RNF2: variants seen among roughly 807,000 people sequenced by gnomAD.
RNF2 encodes the protein ring finger protein 2.
RNF2 carries 6 observed loss-of-function variants against 37.2 expected under a neutral mutation model. The observed-to-expected ratio is 0.16, with a 90% confidence interval of 0.09 to 0.32. RNF2 has a LOEUF of 0.32. Ranked by LOEUF, RNF2 falls within the 10% of genes least tolerant of loss-of-function variation. The pLI is 1.00. For missense variants in RNF2, 251 were observed against 404.0 expected (o/e 0.62, Z 3.25); for synonymous variants, 133 against 132.7 (o/e 1.00, Z -0.02).
intron 1 of RNF2, among the ~76,000 whole-genome samples, chr1:185,066,235 A>G (rs1315487275): frequency 2.0e-5 from 3 of 152,110 alleles, no homozygotes. Context: ...TGTATTGCAT[A>G]CTAGGCCTCA....
At chr1:185,068,610 A>T (rs1396006735) in intron 1 of RNF2, among the ~76,000 whole-genome samples, 5 of 152,228 alleles carry the variant, frequency 3.3e-5, no homozygotes, top group Non-Finnish European at 7.3e-5. Context: ...GGGCCTCTGG[A>T]AGCCAAGTGC....
At chr1:185,054,521 C>T (rs1315685931) in intron 1 of RNF2, among the ~76,000 whole-genome samples, 1 of 152,024 alleles carries the variant, frequency 6.6e-6, no homozygotes, top group African/African-American at 2.4e-5. Context: ...GACGCCGGCT[C>T]TTCTCCATTA....
At chr1:185,089,983 G>C (rs187207194) in intron 2 of RNF2, among the ~76,000 whole-genome samples, 1 of 152,070 alleles carries the variant, frequency 6.6e-6, no homozygotes, top group Non-Finnish European at 1.5e-5. Flanking sequence ...ATGCAGTGGC[G>C]TGATCGCGGC....
At chr1:185,062,637 A>G (rs1246191053) in intron 1 of RNF2, among the ~76,000 whole-genome samples, 2 of 152,066 alleles carry the variant, frequency 1.3e-5, no homozygotes, top group African/African-American at 4.8e-5. Context: ...TTAAAAATAT[A>G]TAAAAGATAA....
At chr1:185,083,956 AT>A (rs1301679488) in intron 1 of RNF2, among the ~76,000 whole-genome samples, 1 of 133,526 alleles carries the variant, frequency 7.5e-6, no homozygotes, top group Non-Finnish European at 1.6e-5. Context: ...AAAAAAAAAA[AT>A]TAGGGGTGGG....
chr1:185,053,544 C>T (rs973075911), intron 1 of RNF2, among the ~76,000 whole-genome samples: 4 of 151,720 alleles, frequency 2.6e-5, no homozygotes, highest in African/African-American at 4.8e-5. Flanking sequence ...TTGTAGAGAT[C>T]GGGGTCTCAT....
intron 1 of RNF2, among the ~76,000 whole-genome samples, chr1:185,053,764 CAAT>C (rs1355660201): frequency 2.6e-5 from 4 of 152,130 alleles, no homozygotes; most frequent in African/African-American, 7.2e-5. Context: ...AATAGGCTCT[CAAT>C]AAATATCTAA....
chr1:185,098,099 T>G lies in RNF2; in HGVS notation c.492T>G (p.Ile164Met). The change falls in exon 5 of 7, where the codon ATT becomes ATG. Residue 164 changes from isoleucine to methionine, a missense_variant. By Grantham distance (10) the Ile-to-Met change is conservative. Around this residue, in one of 7 missense-constraint regions of RNF2, gnomAD observed 94 missense variants for 99.2 expected, o/e 0.95. Transcript: ENST00000367510. Reference protein sequence around the residue: ...NRLQRGKKQQIENGSGAEDNG... With the variant: ...NRLQRGKKQQMENGSGAEDNG... ...TGCAGCGAGGCAAGAAACAACAGAT[T>G]GAAAATGGTAGTGGAGCAGAAGATA... 6.2e-7 allele frequency: 1 copy of G among 1,614,136 alleles called. No homozygotes were observed. The highest frequency in any genetic ancestry group is 8.5e-7 in the Non-Finnish European group (1 of 1,180,020).
At chr1:185,099,549 G>A (rs1300768248) in intron 5 of RNF2, among the ~76,000 whole-genome samples, 1 of 152,016 alleles carries the variant, frequency 6.6e-6, no homozygotes, top group Admixed American at 6.6e-5. Context: ...TTTATAGAAG[G>A]TAAGGTAGGT....
intron 4 of RNF2, 59 bp downstream of exon 4, chr1:185,093,335 T>C (rs1651822411): frequency 6.7e-7 from 1 of 1,494,750 alleles, no homozygotes; most frequent in East Asian, 2.4e-5. Flanking sequence ...TATTAACAAT[T>C]AAATTTACTT....
At chr1:185,046,224 ACC>A (rs1371707561) in intron 1 of RNF2, 1 of 150,512 alleles carries the variant, frequency 6.6e-6, no homozygotes, top group Non-Finnish European at 1.5e-5. Flanking sequence ...CCTCGGGGAG[ACC>A]CCTTCAGCTT....
At chr1:185,056,446 A>C (rs1571295231) in intron 1 of RNF2, among the ~76,000 whole-genome samples, 1 of 151,840 alleles carries the variant, frequency 6.6e-6, no homozygotes, top group African/African-American at 2.4e-5. Flanking sequence ...GCAGCCTTGA[A>C]CTCCTGGGCT....
At chr1:185,056,367 AT>A (rs979453070) in intron 1 of RNF2, among the ~76,000 whole-genome samples, 42 of 127,628 alleles carry the variant, frequency 3.3e-4, no homozygotes, top group African/African-American at 1.2e-3. Context: ...TTTTTTTCTC[AT>A]TTTTTTTAGA....
At chr1:185,057,303 AAAATAAAT>A (rs199801845) in intron 1 of RNF2, among the ~76,000 whole-genome samples, 2 of 152,106 alleles carry the variant, frequency 1.3e-5, no homozygotes, top group African/African-American at 4.8e-5. Flanking sequence ...CCTGTTTCAA[AAAATAAAT>A]AAATAAATAA....
chr1:185,055,615 A>G (rs891767411), intron 1 of RNF2, among the ~76,000 whole-genome samples: 2 of 152,140 alleles, frequency 1.3e-5, no homozygotes, highest in African/African-American at 2.4e-5. Flanking sequence ...AGGTTTCACC[A>G]TGTTGGCAAG....
intron 1 of RNF2, among the ~76,000 whole-genome samples, chr1:185,082,311 C>T (rs898389392): frequency 1.4e-5 from 2 of 146,292 alleles, no homozygotes; most frequent in East Asian, 4.1e-4. Context: ...TCACTATGCT[C>T]CGCGTCTTCA....
chr1:185,060,735 G>C (rs558633013), intron 1 of RNF2, among the ~76,000 whole-genome samples: 1 of 152,150 alleles, frequency 6.6e-6, no homozygotes, highest in South Asian at 2.1e-4. Context: ...CCTTGGAGAA[G>C]ATGAAAAAAT....
chr1:185,065,446 C>A (rs1226246174), intron 1 of RNF2, among the ~76,000 whole-genome samples: 2 of 152,186 alleles, frequency 1.3e-5, no homozygotes, highest in African/African-American at 4.8e-5. Context: ...ATAAATCTTG[C>A]TGCTGCTCAC....
rs182152094 is a variant in RNF2 at position 185,070,581 on chromosome 1, C to T, written c.-2-16971C>T. Among the ~76,000 whole-genome samples, 186 of 151,820 alleles carry T rather than the reference C, an allele frequency of 1.2e-3. 3 individuals are homozygous for T. Among genetic ancestry groups the T allele is most frequent in the African/African-American group, 4.4e-3 (182 of 41,428 alleles). On this transcript the variant is annotated intron_variant, in intron 1 of 6. Transcript: ENST00000367510. Reference sequence around the variant, plus strand: ...AATTAGTATTATCCTCAGTTTTTTTCACATGAACCTTATTCTTTGCTACAT... The same window carrying T: ...AATTAGTATTATCCTCAGTTTTTTTTACATGAACCTTATTCTTTGCTACAT...
Sources: gnomAD v4.1 joint callset for allele counts (sites outside exome capture counted in the v4.1 genomes callset) on GRCh38, gnomAD v4.1.1 for gene constraint, gnomAD v4.1.1 regional missense constraint, MANE v1.5 for transcripts, NCBI Gene and HGNC (gene_info 2026-07-23, HGNC 2026-07-21) for gene names.